Variants in PAM observed in about 807,000 individuals in gnomAD.
PAM encodes peptidylglycine alpha-amidating monooxygenase.
PAM carries 72 observed loss-of-function variants against 122.1 expected under a neutral mutation model. The ratio of observed to expected loss-of-function variants is 0.59; its 90% CI spans 0.49 to 0.72. The LOEUF (loss-of-function observed/expected upper bound fraction) is 0.72. Ranked by LOEUF, PAM falls within the 30% of genes least tolerant of loss-of-function variation. The pLI is 0.00. For synonymous variants in PAM, 389 were observed against 404.4 expected (o/e 0.96, Z 0.46); for missense variants, 1,106 against 1,183.7 (o/e 0.93, Z 0.96).
In PAM at chr5:102,990,346, G is replaced by C; in HGVS notation, c.1558G>C (p.Asp520His). 1 of 1,610,108 alleles carries C rather than the reference G, an allele frequency of 6.2e-7. No individual in the cohort carries two copies. The highest frequency in any genetic ancestry group is 8.5e-7 in the Non-Finnish European group (1 of 1,177,190). ...AGGCCAGGTTTCTGGGGTGGCTCTA[G>C]ACCCTAAGAATAACCTGGTGATTTT... is the stretch of plus-strand genomic sequence containing the variant. ...LPGQVSGVAL[D>H]PKNNLVIFHR... Residue 520 changes from aspartate (D) to histidine (H), a missense_variant, in exon 16 of 26, where the codon GAC (aspartate) becomes CAC (histidine). Asp to His is a moderately conservative substitution (Grantham distance 81, BLOSUM62 -1). Transcript: ENST00000438793.
At chr5:102,972,691 G>T (rs1048484921) in intron 14 of PAM, among the ~76,000 whole-genome samples, 5 of 152,154 alleles carry the variant, frequency 3.3e-5, no homozygotes, top group Non-Finnish European at 7.4e-5. Flanking sequence ...TTTAATGTGT[G>T]GTACACGAGA....
At chr5:102,993,523 C>A (rs1389690116) in intron 16 of PAM, among the ~76,000 whole-genome samples, 1 of 152,084 alleles carries the variant, frequency 6.6e-6, no homozygotes, top group Admixed American at 6.6e-5. Context: ...TTTCATTTAT[C>A]ATTTCTTCTC....
chr5:102,791,242 A>T (rs1761981330), intron 1 of PAM, among the ~76,000 whole-genome samples: 2 of 152,100 alleles, frequency 1.3e-5, no homozygotes, highest in Admixed American at 1.3e-4. Context: ...CTAGAAGTAA[A>T]ATTAAGTAGA....
At position 102,909,103 on chromosome 5, in the gene PAM, C is replaced by A. The variant is rs571953989; in HGVS notation, c.269-4831C>A. 2.6e-5 allele frequency among the ~76,000 whole-genome samples: 4 copies of A among 151,756 alleles called. No homozygotes were observed. In the South Asian group the frequency reaches 8.3e-4, roughly 31 times the overall value. ...GGTTTGTAATTTTTTTTATTCATGACATACCTTTTATATTATATTTTCTTG... is the reference window on the plus strand; with the variant it reads ...GGTTTGTAATTTTTTTTATTCATGAAATACCTTTTATATTATATTTTCTTG... On this transcript the variant is annotated intron_variant, in intron 4 of 25. Transcript: ENST00000438793.
At chr5:102,967,497 G>C (rs1764454222) in intron 14 of PAM, among the ~76,000 whole-genome samples, 1 of 152,092 alleles carries the variant, frequency 6.6e-6, no homozygotes, top group Non-Finnish European at 1.5e-5. Flanking sequence ...TCCCAGAATT[G>C]CTTATTGAGT....
At chr5:102,826,523 A>G (rs1384855988) in intron 1 of PAM, among the ~76,000 whole-genome samples, 1 of 152,144 alleles carries the variant, frequency 6.6e-6, no homozygotes, top group Admixed American at 6.5e-5. Flanking sequence ...AGAGGAAAAA[A>G]CATTCGAGGG....
At chr5:102,923,652 T>C (rs1748255353) in intron 5 of PAM, among the ~76,000 whole-genome samples, 1 of 152,200 alleles carries the variant, frequency 6.6e-6, no homozygotes, top group Non-Finnish European at 1.5e-5. Flanking sequence ...CATACTACCA[T>C]CTATTAATGT....
intron 4 of PAM, among the ~76,000 whole-genome samples, chr5:102,903,241 A>G (rs1798534457): frequency 6.6e-6 from 1 of 151,500 alleles, no homozygotes; most frequent in Non-Finnish European, 1.5e-5. Flanking sequence ...TTTGTTCCCT[A>G]TTCACAATGG....
intron 1 of PAM, among the ~76,000 whole-genome samples, chr5:102,798,264 A>G (rs574778203): frequency 6.6e-6 from 1 of 152,312 alleles, no homozygotes; most frequent in African/African-American, 2.4e-5. Flanking sequence ...GACAATCACA[A>G]TGTAAAGAGT....
rs540812768 is a variant in PAM, at chr5:103,007,716, T to C, written c.2215+59T>C. On this transcript the variant is annotated intron_variant, in intron 20 of 25. Coordinates refer to ENST00000438793, the MANE Select transcript of PAM (RefSeq NM_001177306.2). ...CCTACTGTACTCTATCCTTAAAAAT[T>C]GTGTTATCTTAATGTGCTCTTTTTA... 3.7e-6 allele frequency: 4 copies of C among 1,088,040 alleles called. No homozygotes were observed. The African/African-American group carries it at 6.2e-5, about 17-fold the overall frequency. 67.4% of individuals were successfully genotyped at this position (1,088,040 alleles called of 1,614,324 possible).
At chr5:102,823,002 A>G (rs949074121) in intron 1 of PAM, among the ~76,000 whole-genome samples, 2 of 151,914 alleles carry the variant, frequency 1.3e-5, no homozygotes, top group Non-Finnish European at 2.9e-5. Flanking sequence ...AAGGACAAGC[A>G]CTCCTTTAGT....
chr5:102,871,666 C>T (rs1488678835), intron 3 of PAM, among the ~76,000 whole-genome samples: 4 of 147,890 alleles, frequency 2.7e-5, no homozygotes, highest in African/African-American at 7.4e-5. Flanking sequence ...AAAGAACTCT[C>T]ATCGGTTTGA....
intron 1 of PAM, among the ~76,000 whole-genome samples, chr5:102,782,723 C>CTGTGTG (rs1213041689): frequency 3.2e-4 from 46 of 143,696 alleles, no homozygotes; most frequent in African/African-American, 1.0e-3. Flanking sequence ...CTCTCTCTCT[C>CTGTGTG]TCTGTGTGTG....
At chr5:102,865,280 A>G (rs1785217969) in intron 1 of PAM, 1 of 152,176 alleles carries the variant, frequency 6.6e-6, no homozygotes, top group Non-Finnish European at 1.5e-5. Context: ...TTGGTAGGAG[A>G]TATCATTCCT....
At chr5:102,826,322 G>C (rs469489) in intron 1 of PAM, among the ~76,000 whole-genome samples, 1 of 151,676 alleles carries the variant, frequency 6.6e-6, no homozygotes, top group African/African-American at 2.4e-5. Context: ...TTTCTGCTCT[G>C]TATGTAATTT....
At chr5:102,972,458 T>A (rs1210780826) in intron 14 of PAM, among the ~76,000 whole-genome samples, 1 of 152,030 alleles carries the variant, frequency 6.6e-6, no homozygotes, top group Non-Finnish European at 1.5e-5. Flanking sequence ...ATTTTTTTAT[T>A]TCTTAGAGAG....
At chr5:102,828,022 A>G (rs1774185810) in intron 1 of PAM, among the ~76,000 whole-genome samples, 2 of 152,108 alleles carry the variant, frequency 1.3e-5, no homozygotes, top group African/African-American at 4.8e-5. Flanking sequence ...TCCTTTTGAA[A>G]CTATTCTCAA....
chr5:102,766,905 A>C (rs1236541934), intron 1 of PAM, among the ~76,000 whole-genome samples: 1 of 16,344 alleles, frequency 6.1e-5, no homozygotes, highest in Non-Finnish European at 1.4e-4. Flanking sequence ...TGTGTGATTT[A>C]TTTTATTGCT....
chr5:102,893,191 A>C (rs1311715274), intron 3 of PAM, among the ~76,000 whole-genome samples: 1 of 151,742 alleles, frequency 6.6e-6, no homozygotes, highest in Non-Finnish European at 1.5e-5. Flanking sequence ...GGGCAGTGGA[A>C]GAGGTCTTAA....
Sources: allele counts gnomAD v4.1 joint callset (sites outside exome capture counted in the v4.1 genomes callset), GRCh38; gene constraint gnomAD v4.1.1; transcripts MANE v1.5; gene names NCBI Gene and HGNC (gene_info 2026-07-23, HGNC 2026-07-21).